Variants in MYO16 observed in about 807,000 individuals in gnomAD.
MYO16 encodes myosin XVI.
Under a neutral mutation model 205.3 loss-of-function variants are expected in MYO16, and 94 were observed. That is an observed-to-expected ratio of 0.46 (90% CI 0.39 to 0.54). The LOEUF (loss-of-function observed/expected upper bound fraction) is 0.54, where lower values mean the gene tolerates loss of function less well. Ranked by LOEUF, MYO16 falls within the 20% of genes least tolerant of loss-of-function variation. The pLI, the probability that MYO16 is intolerant of heterozygous loss-of-function variation, is 0.00. For synonymous variants in MYO16, 988 were observed against 954.0 expected, an observed-to-expected ratio of 1.04 and a Z score of -0.66; for missense variants, 2,315 against 2,387.5, an observed-to-expected ratio of 0.97 and a Z score of 0.63.
At chr13:108,496,596 A>G in the MYO16 span, among the ~76,000 whole-genome samples, 1 of 152,118 alleles carries the variant, frequency 6.6e-6, no homozygotes, top group Non-Finnish European at 1.5e-5. Flanking sequence ...GGCTGCAGAA[A>G]ACCACTAGGC....
At chr13:108,695,920 A>G (rs569322986) in intron 2 of MYO16, among the ~76,000 whole-genome samples, 91 of 152,312 alleles carry the variant, frequency 6.0e-4, no homozygotes, top group Middle Eastern at 3.4e-3. Flanking sequence ...ATAAAGGAGG[A>G]ACAACCATAT....
chr13:108,752,381 T>G (rs1034154925), intron 4 of MYO16, among the ~76,000 whole-genome samples: 6 of 152,182 alleles, frequency 3.9e-5, no homozygotes, highest in Admixed American at 2.0e-4. Flanking sequence ...TGTTTATATC[T>G]ATTTGTTAGT....
chr13:108,650,599 G>A (rs986008718), intron 1 of MYO16, among the ~76,000 whole-genome samples: 1 of 152,194 alleles, frequency 6.6e-6, no homozygotes, highest in Non-Finnish European at 1.5e-5. Flanking sequence ...TTAGGGTAGA[G>A]CATCTAAATT....
chr13:108,647,302 G>A lies in MYO16; in HGVS notation c.28+17430G>A, dbSNP rs554590176. Reference sequence around the variant, plus strand: ...CACCCAGAATTAGTGCATATGCTTCGGGAAGATGCTCCCTACCATGTCTCT... The same window carrying A: ...CACCCAGAATTAGTGCATATGCTTCAGGAAGATGCTCCCTACCATGTCTCT... On this transcript the variant is annotated intron_variant, in intron 1 of 34. Transcript: ENST00000457511. Among the ~76,000 whole-genome samples, 6 of 152,142 alleles carry A rather than the reference G, an allele frequency of 3.9e-5. No homozygotes were observed. The East Asian group carries it at 5.8e-4, about 15-fold the overall frequency.
At chr13:108,645,984 T>A (rs943537731) in intron 1 of MYO16, among the ~76,000 whole-genome samples, 1 of 152,072 alleles carries the variant, frequency 6.6e-6, no homozygotes, top group Admixed American at 6.6e-5. Flanking sequence ...CTCTTAGAAG[T>A]GCTTACAAGG....
At chr13:109,196,224 G>T (rs144554608) in intron 34 of MYO16, among the ~76,000 whole-genome samples, 35 of 152,282 alleles carry the variant, frequency 2.3e-4, no homozygotes, top group African/African-American at 8.4e-4. Flanking sequence ...TTCATGTCTT[G>T]AATGTCTAAA....
chr13:109,005,757 C>T (rs184641001), intron 21 of MYO16, among the ~76,000 whole-genome samples: 1 of 152,248 alleles, frequency 6.6e-6, no homozygotes, highest in East Asian at 1.9e-4. Flanking sequence ...ACAGCAAGTC[C>T]ACCCAGTCCC....
chr13:108,664,856 AG>A (rs1288224322), intron 1 of MYO16, among the ~76,000 whole-genome samples: 1 of 152,128 alleles, frequency 6.6e-6, no homozygotes, highest in Non-Finnish European at 1.5e-5. Flanking sequence ...TTTTGAAACA[AG>A]GGGGATATTT....
At chr13:108,727,360 T>C in intron 3 of MYO16, 80 bp from the exon 4 acceptor site, 1 of 1,460,960 alleles carries the variant, frequency 6.8e-7, no homozygotes, top group Non-Finnish European at 9.2e-7. Flanking sequence ...TTGAAGTTTT[T>C]TTTTAAATCT....
At chr13:108,516,771 G>A in the MYO16 span, among the ~76,000 whole-genome samples, 1 of 152,110 alleles carries the variant, frequency 6.6e-6, no homozygotes, top group East Asian at 1.9e-4. Context: ...TGAACTTTAT[G>A]TGAATAGAAT....
At chr13:108,498,970 G>A in the MYO16 span, among the ~76,000 whole-genome samples, 1 of 152,146 alleles carries the variant, frequency 6.6e-6, no homozygotes, top group Non-Finnish European at 1.5e-5. Flanking sequence ...TTCCTCTGGG[G>A]CAAGGATACA....
chr13:108,611,985 T>TCTTTTTTTTTTTTTC (rs59573178), intron 1 of MYO16, among the ~76,000 whole-genome samples: 2 of 142,982 alleles, frequency 1.4e-5, no homozygotes, highest in Admixed American at 1.4e-4. Context: ...TTTTTTTTTT[T>TCTTTTTTTTTTTTTC]TTTTTTTTGA....
At chr13:108,928,097 C>CT (rs1882090477) in intron 16 of MYO16, among the ~76,000 whole-genome samples, 2 of 152,220 alleles carry the variant, frequency 1.3e-5, no homozygotes, top group African/African-American at 4.8e-5. Context: ...TGCCGATGCG[C>CT]TTGCCTTCTG....
intron 16 of MYO16, among the ~76,000 whole-genome samples, chr13:108,917,749 A>C (rs1196096580): frequency 6.6e-6 from 1 of 152,246 alleles, no homozygotes; most frequent in African/African-American, 2.4e-5. Context: ...TTGTGGTCTG[A>C]ATATATCTCA....
intron 7 of MYO16, among the ~76,000 whole-genome samples, chr13:108,819,130 A>G (rs1441437481): frequency 2.0e-5 from 3 of 152,226 alleles, no homozygotes; most frequent in Admixed American, 6.5e-5. Flanking sequence ...TGAAGAAAGT[A>G]TTGTATGTGT....
the MYO16 span, among the ~76,000 whole-genome samples, chr13:108,524,413 C>G: frequency 3.3e-5 from 5 of 152,224 alleles, no homozygotes; most frequent in African/African-American, 1.2e-4. Context: ...CCTGCTTCCC[C>G]TTCACCTTGC....
At chr13:108,714,329 A>G (rs1883849442) in intron 3 of MYO16, among the ~76,000 whole-genome samples, 1 of 152,190 alleles carries the variant, frequency 6.6e-6, no homozygotes, top group African/African-American at 2.4e-5. Context: ...TGCTGGGATT[A>G]CAGGCGTGAG....
chr13:108,716,670 C>T (rs1883955912), intron 3 of MYO16, among the ~76,000 whole-genome samples: 1 of 152,168 alleles, frequency 6.6e-6, no homozygotes, highest in Admixed American at 6.5e-5. Context: ...GGGCGTCCCA[C>T]ATTACAGAGC....
At chr13:109,019,629 T>C (rs1885951366) in intron 22 of MYO16, 82 bp from the exon 23 acceptor site, 2 of 1,108,356 alleles carry the variant, frequency 1.8e-6, no homozygotes, top group South Asian at 3.1e-5. Context: ...AACAAAAATA[T>C]AAGCAAGCAT....
Sources: allele counts gnomAD v4.1 joint callset (sites outside exome capture counted in the v4.1 genomes callset), GRCh38; gene constraint gnomAD v4.1.1; transcripts MANE v1.5; gene names NCBI Gene and HGNC (gene_info 2026-07-23, HGNC 2026-07-21).